Variants in NCOA1 observed in about 807,000 individuals in gnomAD.
NCOA1 encodes the protein nuclear receptor coactivator 1, also known as Hin-2 protein.
NCOA1 carries 35 observed loss-of-function variants against 150.9 expected under a neutral mutation model. That is an observed-to-expected ratio of 0.23 (90% CI 0.18 to 0.31). The LOEUF (loss-of-function observed/expected upper bound fraction) is 0.31, where lower values mean the gene tolerates loss of function less well. Ranked by LOEUF, NCOA1 falls within the 10% of genes least tolerant of loss-of-function variation. NCOA1 has a pLI of 1.00. For missense variants in NCOA1, 1,491 were observed against 1,749.3 expected, an observed-to-expected ratio of 0.85 and a Z score of 2.63; for synonymous variants, 590 against 630.0, an observed-to-expected ratio of 0.94 and a Z score of 0.95.
chr2:24,636,101 GGTTT>G (rs1370336439), intron 3 of NCOA1, among the ~76,000 whole-genome samples: 1 of 151,954 alleles, frequency 6.6e-6, no homozygotes, highest in African/African-American at 2.4e-5. Flanking sequence ...GTTAAAAATC[GGTTT>G]GTATTTATTG....
At chr2:24,694,926 C>A (rs1299362943) in intron 10 of NCOA1, among the ~76,000 whole-genome samples, 1 of 151,532 alleles carries the variant, frequency 6.6e-6, no homozygotes, top group African/African-American at 2.4e-5. Flanking sequence ...AACCAGTTAA[C>A]ATAAAAAGAA....
chr2:24,666,026 T>A (rs1172265323), intron 6 of NCOA1, 111 bp downstream of exon 6: 25 of 681,926 alleles, frequency 3.7e-5, no homozygotes, highest in African/African-American at 9.7e-5. Flanking sequence ...TATTATTATT[T>A]TTTGAGATGA....
intron 3 of NCOA1, among the ~76,000 whole-genome samples, chr2:24,643,413 A>G (rs955738581): frequency 2.6e-5 from 4 of 152,108 alleles, no homozygotes; most frequent in African/African-American, 9.7e-5. Flanking sequence ...GTTGTTTTTT[A>G]TATTTTGTCC....
At chr2:24,687,369 T>A (rs1193365155) in intron 8 of NCOA1, among the ~76,000 whole-genome samples, 11 of 152,022 alleles carry the variant, frequency 7.2e-5, no homozygotes, top group Non-Finnish European at 1.3e-4. Flanking sequence ...TTTTTTTTTT[T>A]AACTTTTATT....
At chr2:24,514,738 A>G (rs1401171626) in intron 1 of NCOA1, among the ~76,000 whole-genome samples, 1 of 152,096 alleles carries the variant, frequency 6.6e-6, no homozygotes, top group Admixed American at 6.6e-5. Flanking sequence ...TGATTGTGCC[A>G]CTGTGCTCCA....
intron 21 of NCOA1, among the ~76,000 whole-genome samples, chr2:24,759,222 C>A (rs931551423): frequency 9.2e-5 from 14 of 152,032 alleles, no homozygotes; most frequent in Admixed American, 4.6e-4. Context: ...AGAGATAGGC[C>A]ATATGTGTTT....
chr2:24,506,643 C>T (rs9678311), intron 1 of NCOA1, among the ~76,000 whole-genome samples: 37,639 of 151,912 alleles, frequency 0.25, 4,824 homozygotes, highest in East Asian at 0.31. Flanking sequence ...TAAGAGAATA[C>T]TCACCTGATT....
intron 1 of NCOA1, among the ~76,000 whole-genome samples, chr2:24,507,561 C>T (rs1240462424): frequency 6.6e-6 from 1 of 151,252 alleles, no homozygotes; most frequent in Non-Finnish European, 1.5e-5. Context: ...TCCATTACCT[C>T]AAACATTTAT....
At chr2:24,581,036 G>A (rs1330865197) in intron 2 of NCOA1, among the ~76,000 whole-genome samples, 2 of 152,192 alleles carry the variant, frequency 1.3e-5, no homozygotes, top group Non-Finnish European at 2.9e-5. Flanking sequence ...AATTTAGGGA[G>A]AGATTCTTTG....
At chr2:24,492,775 CAAG>C (rs1197019996) in intron 1 of NCOA1, among the ~76,000 whole-genome samples, 1 of 152,012 alleles carries the variant, frequency 6.6e-6, no homozygotes, top group Non-Finnish European at 1.5e-5. Flanking sequence ...CTGTGGATGC[CAAG>C]AGGAATCTCT....
intron 7 of NCOA1, among the ~76,000 whole-genome samples, chr2:24,681,255 G>A (rs748020944): frequency 1.3e-5 from 2 of 152,020 alleles, no homozygotes; most frequent in Non-Finnish European, 2.9e-5. Context: ...TCCCAGCTAC[G>A]TGGGAGGCTG....
intron 14 of NCOA1, among the ~76,000 whole-genome samples, chr2:24,726,180 A>G (rs182203412): frequency 5.3e-5 from 8 of 152,224 alleles, no homozygotes; most frequent in Admixed American, 4.6e-4. Context: ...CCTGCCTCTG[A>G]TAGAATGTAT....
intron 1 of NCOA1, among the ~76,000 whole-genome samples, chr2:24,558,347 G>T (rs1420001949): frequency 6.6e-6 from 1 of 152,132 alleles, no homozygotes; most frequent in Admixed American, 6.5e-5. Flanking sequence ...ACATACCCGA[G>T]ACTGGGAAGA....
At chr2:24,692,992 C>T (rs1293653378) in intron 9 of NCOA1, among the ~76,000 whole-genome samples, 6 of 152,140 alleles carry the variant, frequency 3.9e-5, no homozygotes, top group Non-Finnish European at 2.9e-5. Context: ...TCCCGAGTAG[C>T]GGGGACTGCA....
chr2:24,626,422 G>A (rs1001632056), intron 3 of NCOA1, among the ~76,000 whole-genome samples: 1 of 152,150 alleles, frequency 6.6e-6, no homozygotes, highest in African/African-American at 2.4e-5. Flanking sequence ...AATAATGAAC[G>A]TGATGCTGTT....
At chr2:24,703,140 CA>C (rs921905343) in intron 11 of NCOA1, among the ~76,000 whole-genome samples, 34 of 152,242 alleles carry the variant, frequency 2.2e-4, no homozygotes, top group African/African-American at 7.7e-4. Flanking sequence ...GTTGTTGGCT[CA>C]GTTTTAGTAA....
At chr2:24,729,370 T>A (rs1477876558) in intron 16 of NCOA1, 131 bp from the exon 17 acceptor site, 8 of 842,090 alleles carry the variant, frequency 9.5e-6, no homozygotes, top group Non-Finnish European at 1.5e-5. Flanking sequence ...ATAAATGATT[T>A]CTTTAGGTAG....
At chr2:24,546,250 A>T (rs1387281695) in intron 1 of NCOA1, among the ~76,000 whole-genome samples, 1 of 152,044 alleles carries the variant, frequency 6.6e-6, no homozygotes, top group African/African-American at 2.4e-5. Context: ...TCCACATCAG[A>T]TACAAGACAG....
chr2:24,724,792 C>A (rs1674525254), intron 14 of NCOA1, among the ~76,000 whole-genome samples: 1 of 151,834 alleles, frequency 6.6e-6, no homozygotes, highest in Non-Finnish European at 1.5e-5. Flanking sequence ...GATTAGATTT[C>A]TTGAAATAAG....
Sources: allele counts gnomAD v4.1 joint callset (sites outside exome capture counted in the v4.1 genomes callset), GRCh38; gene constraint gnomAD v4.1.1; transcripts MANE v1.5; gene names NCBI Gene and HGNC (gene_info 2026-07-23, HGNC 2026-07-21).